MIR2052HG: variants seen among roughly 807,000 people sequenced by gnomAD.
The protein encoded by MIR2052HG is MIR2052 host gene.
intron 4 of MIR2052HG, chr8:74,703,697 T>G (rs778549720): frequency 2.2e-6 from 1 of 449,636 alleles, no homozygotes; most frequent in South Asian, 1.6e-5. Flanking sequence ...GTAGAATTTC[T>G]GCTATGCTGT....
chr8:74,702,436 T>C (rs1040707630), exon 3 of MIR2052HG: 14 of 454,608 alleles, frequency 3.1e-5, no homozygotes, highest in Non-Finnish European at 6.2e-5. Flanking sequence ...TTGAAGATGA[T>C]GAAGAAAAGT....
intron 1 of MIR2052HG, chr8:74,604,135 T>G: frequency 1.1e-6 from 1 of 893,014 alleles, no homozygotes; most frequent in Non-Finnish European, 1.9e-6. Context: ...GCGCATCTTC[T>G]TAACTGATTC....
At chr8:74,730,019 A>T (rs903886574) in intron 4 of MIR2052HG, among the ~76,000 whole-genome samples, 2 of 152,176 alleles carry the variant, frequency 1.3e-5, no homozygotes, top group Non-Finnish European at 2.9e-5. Context: ...ACTTTTACTT[A>T]TCTGTTACTG....
chr8:74,662,894 G>GT (rs1483346820), intron 2 of MIR2052HG, among the ~76,000 whole-genome samples: 2 of 143,786 alleles, frequency 1.4e-5, no homozygotes, highest in Non-Finnish European at 3.0e-5. Flanking sequence ...GTGTGTGTGT[G>GT]GTATAATTTT....
chr8:74,682,729 A>C (rs1809139277), intron 2 of MIR2052HG, among the ~76,000 whole-genome samples: 2 of 152,172 alleles, frequency 1.3e-5, no homozygotes, highest in Admixed American at 1.3e-4. Flanking sequence ...GCTTTTCTGC[A>C]TGAGCTACAA....
At chr8:74,707,585 T>C (rs1232032405) in intron 4 of MIR2052HG, among the ~76,000 whole-genome samples, 1 of 152,100 alleles carries the variant, frequency 6.6e-6, no homozygotes, top group Admixed American at 6.6e-5. Context: ...GGACTTTTTT[T>C]TTAACTGCAA....
At chr8:74,713,402 A>G (rs1190369841) in intron 4 of MIR2052HG, among the ~76,000 whole-genome samples, 1 of 152,140 alleles carries the variant, frequency 6.6e-6, no homozygotes, top group Admixed American at 6.5e-5. Flanking sequence ...TCCTACTTGA[A>G]GCCTTCACTG....
At chr8:74,601,242 A>G (rs1286607602) in intron 1 of MIR2052HG, among the ~76,000 whole-genome samples, 1 of 152,234 alleles carries the variant, frequency 6.6e-6, no homozygotes, top group Non-Finnish European at 1.5e-5. Context: ...GTCTGTAATC[A>G]TTCAAGCTTT....
At chr8:74,631,226 A>G (rs921383049) in intron 2 of MIR2052HG, among the ~76,000 whole-genome samples, 1 of 152,234 alleles carries the variant, frequency 6.6e-6, no homozygotes, top group Non-Finnish European at 1.5e-5. Context: ...TCCCTGTGAC[A>G]GCCAGACTCC....
intron 4 of MIR2052HG, among the ~76,000 whole-genome samples, chr8:74,732,881 A>C (rs1809707002): frequency 6.6e-6 from 1 of 152,094 alleles, no homozygotes; most frequent in South Asian, 2.1e-4. Flanking sequence ...AGGTGGGTGA[A>C]GGCTGACTTG....
At chr8:74,709,701 A>G (rs1420339123) in intron 4 of MIR2052HG, among the ~76,000 whole-genome samples, 1 of 152,168 alleles carries the variant, frequency 6.6e-6, no homozygotes, top group African/African-American at 2.4e-5. Context: ...TGTGTGTCAC[A>G]CATTACTTAG....
chr8:74,703,017 G>T (rs1809373477), intron 3 of MIR2052HG, among the ~76,000 whole-genome samples: 1 of 152,028 alleles, frequency 6.6e-6, no homozygotes, highest in Non-Finnish European at 1.5e-5. Flanking sequence ...TGTTGAAGGG[G>T]GTCCTGCAAT....
intron 2 of MIR2052HG, among the ~76,000 whole-genome samples, chr8:74,664,925 T>C (rs1013045416): frequency 7.2e-5 from 11 of 152,234 alleles, no homozygotes; most frequent in Non-Finnish European, 1.5e-4. Context: ...CTGGTAGATA[T>C]CCTGTTACCA....
At chr8:74,748,277 A>C (rs1255952633) in intron 4 of MIR2052HG, among the ~76,000 whole-genome samples, 1 of 152,246 alleles carries the variant, frequency 6.6e-6, no homozygotes, top group Non-Finnish European at 1.5e-5. Flanking sequence ...TACATCAAAC[A>C]CAGTGAAGGA....
chr8:74,714,916 G>A (rs1288051159), intron 4 of MIR2052HG, among the ~76,000 whole-genome samples: 1 of 151,988 alleles, frequency 6.6e-6, no homozygotes, highest in Non-Finnish European at 1.5e-5. Flanking sequence ...CTGACCTCAA[G>A]TGATCCACCC....
chr8:74,606,580 T>C (rs1251662330), intron 1 of MIR2052HG, among the ~76,000 whole-genome samples: 3 of 152,194 alleles, frequency 2.0e-5, no homozygotes, highest in Middle Eastern at 3.2e-3. Flanking sequence ...TAGATTGCAG[T>C]AAGTTAAAAA....
chr8:74,660,811 T>G (rs1808855070), intron 2 of MIR2052HG, among the ~76,000 whole-genome samples: 1 of 96,102 alleles, frequency 1.0e-5, no homozygotes, highest in African/African-American at 6.1e-5. Flanking sequence ...CCCTGAAATA[T>G]TCCATAAAAA....
chr8:74,652,768 AC>A (rs1361843922), intron 2 of MIR2052HG, among the ~76,000 whole-genome samples: 2 of 152,166 alleles, frequency 1.3e-5, no homozygotes, highest in Non-Finnish European at 2.9e-5. Context: ...CTATCAAATT[AC>A]CCAGTAGAGA....
chr8:74,717,193 T>C (rs1809528653), intron 4 of MIR2052HG, among the ~76,000 whole-genome samples: 1 of 152,056 alleles, frequency 6.6e-6, no homozygotes, highest in Non-Finnish European at 1.5e-5. Flanking sequence ...TCCTTGTTGT[T>C]CCACTCCCTG....
Sources: allele counts gnomAD v4.1 joint callset (sites outside exome capture counted in the v4.1 genomes callset), GRCh38; gene constraint gnomAD v4.1.1; transcripts MANE v1.5; gene names NCBI Gene and HGNC (gene_info 2026-07-23, HGNC 2026-07-21).